The following FER1L6 variants were observed in gnomAD, a reference collection of about 807,000 sequenced individuals.
The protein encoded by FER1L6 is fer-1 like family member 6.
FER1L6 carries 177 observed loss-of-function variants against 219.2 expected under a neutral mutation model. The observed-to-expected ratio is 0.81, with a 90% CI of 0.71 to 0.91. The LOEUF (loss-of-function observed/expected upper bound fraction) is 0.91. Ranked by LOEUF, FER1L6 falls within the 40% of genes least tolerant of loss-of-function variation. The probability of loss-of-function intolerance (pLI) is 0.00; values close to 1 mark genes in which losing one functional copy is unlikely to be tolerated. For missense variants in FER1L6, 2,153 were observed against 2,259.9 expected, an observed-to-expected ratio of 0.95 and a Z score of 0.96; for synonymous variants, 768 against 824.3, an observed-to-expected ratio of 0.93 and a Z score of 1.17.
In FER1L6 at chr8:124,081,795, T is replaced by C. The variant is rs1056911494; in HGVS notation, c.4221-493T>C. Among the ~76,000 whole-genome samples, 5 of 152,156 alleles carry C rather than the reference T, an allele frequency of 3.3e-5. No homozygotes were observed. In the East Asian group the frequency reaches 7.7e-4, roughly 23 times the overall value. ...GGAGGGGAAGGGGAATGGCAATGTA[T>C]TGGGCACCAGTTGAACGCCTGAAAG... On this transcript the variant is annotated intron_variant, in intron 32 of 40. Coordinates refer to ENST00000522917, the MANE Select transcript of FER1L6 (RefSeq NM_001039112.2).
At chr8:124,078,183 AGATG>A (rs60540951) in intron 32 of FER1L6, among the ~76,000 whole-genome samples, 5,246 of 152,072 alleles carry the variant, frequency 0.034, 288 homozygotes, top group African/African-American at 0.12. Context: ...TGGAATGAAC[AGATG>A]GATGGATGGA....
chr8:124,024,792 G>A (rs997965087), intron 18 of FER1L6, among the ~76,000 whole-genome samples: 5 of 152,118 alleles, frequency 3.3e-5, no homozygotes, highest in Non-Finnish European at 7.4e-5. Context: ...ACTGTTTTCC[G>A]TAGAGGTTGT....
intron 34 of FER1L6, among the ~76,000 whole-genome samples, chr8:124,092,748 G>A (rs1359359121): frequency 6.6e-6 from 1 of 152,114 alleles, no homozygotes; most frequent in Non-Finnish European, 1.5e-5. Flanking sequence ...GGCTTCTGGG[G>A]AGGCCTCAGG....
chr8:123,992,613 T>C (rs1161216822), intron 12 of FER1L6, among the ~76,000 whole-genome samples: 2 of 152,200 alleles, frequency 1.3e-5, no homozygotes, highest in African/African-American at 4.8e-5. Flanking sequence ...TCTTGGTTAA[T>C]ATAGATAATG....
At chr8:124,103,520 C>T (rs1397315080) in intron 39 of FER1L6, among the ~76,000 whole-genome samples, 1 of 152,084 alleles carries the variant, frequency 6.6e-6, no homozygotes, top group Non-Finnish European at 1.5e-5. Context: ...ATCCTTTTGG[C>T]CTGAACTTAT....
chr8:123,957,259 A>G (rs1815064023), intron 2 of FER1L6, among the ~76,000 whole-genome samples: 1 of 152,184 alleles, frequency 6.6e-6, no homozygotes, highest in Admixed American at 6.5e-5. Flanking sequence ...GGTATTGATA[A>G]TGATTAAGAG....
At chr8:123,997,703 T>A (rs1007133844) in intron 12 of FER1L6, among the ~76,000 whole-genome samples, 3 of 152,292 alleles carry the variant, frequency 2.0e-5, no homozygotes, top group South Asian at 2.1e-4. Flanking sequence ...TATTCTTTTC[T>A]ATTCTTTTTT....
intron 12 of FER1L6, among the ~76,000 whole-genome samples, chr8:124,002,261 G>T (rs894021246): frequency 2.6e-5 from 4 of 152,204 alleles, no homozygotes; most frequent in African/African-American, 7.2e-5. Context: ...GGGTTTGGGG[G>T]CTCCTTCCTG....
intron 14 of FER1L6, among the ~76,000 whole-genome samples, chr8:124,011,624 T>A (rs1817928094): frequency 6.6e-6 from 1 of 150,890 alleles, no homozygotes. Flanking sequence ...GAACTACAGG[T>A]GCATGCATGC....
intron 1 of FER1L6, among the ~76,000 whole-genome samples, chr8:123,884,683 G>A (rs13252473): frequency 0.24 from 35,800 of 152,024 alleles, 4,554 homozygotes; most frequent in East Asian, 0.48. Flanking sequence ...TATTTGCAAG[G>A]ACACAAGCAG....
chr8:123,889,138 T>G lies in FER1L6; in HGVS notation c.-8+36953T>G, dbSNP rs572547380. Among the ~76,000 whole-genome samples, 35 of 152,272 alleles carry G rather than the reference T, an allele frequency of 2.3e-4. No homozygotes were observed. The South Asian group carries it at 3.7e-3, about 16-fold the overall frequency. ...AAAATAAAATGATCTTTGTGCAAATTTTTTGATAAATAAGACTAATTTAAT... is the reference window on the plus strand; with the variant it reads ...AAAATAAAATGATCTTTGTGCAAATGTTTTGATAAATAAGACTAATTTAAT... On this transcript the variant is annotated intron_variant, in intron 1 of 40. Coordinates refer to ENST00000522917, the MANE Select transcript of FER1L6 (RefSeq NM_001039112.2).
At chr8:123,931,988 C>A (rs1361380455) in intron 1 of FER1L6, among the ~76,000 whole-genome samples, 1 of 152,176 alleles carries the variant, frequency 6.6e-6, no homozygotes, top group Non-Finnish European at 1.5e-5. Context: ...TAAAACTTGC[C>A]AATTCTTTTT....
chr8:124,097,250 GA>G lies in FER1L6; in HGVS notation c.4696-20del, dbSNP rs772728265. 1.3e-6 allele frequency: 2 copies of G among 1,596,080 alleles called. No individual in the cohort carries two copies. The highest frequency in any genetic ancestry group is 2.7e-5 in the African/African-American group (2 of 74,420). On this transcript the variant is annotated intron_variant, in intron 35 of 40. Transcript: ENST00000522917. Reference sequence around the variant, plus strand: ...CTAGCCCCCTCCCAAAGCTAAAGAAGATATTTTTTTTCTTAACAAGGGCCGC... The same window carrying G: ...CTAGCCCCCTCCCAAAGCTAAAGAAGTATTTTTTTTCTTAACAAGGGCCGC...
At chr8:124,028,403 T>C (rs1818803278) in intron 18 of FER1L6, among the ~76,000 whole-genome samples, 2 of 152,100 alleles carry the variant, frequency 1.3e-5, no homozygotes, top group Admixed American at 1.3e-4. Flanking sequence ...TCACCCACCA[T>C]CTCTCTTTAT....
intron 11 of FER1L6, among the ~76,000 whole-genome samples, chr8:123,981,107 C>T (rs573985503): frequency 3.9e-5 from 6 of 152,160 alleles, no homozygotes; most frequent in Admixed American, 3.3e-4. Flanking sequence ...GTGGGTGGTA[C>T]GGGATTGATT....
chr8:124,011,620 C>T (rs1726540463), intron 14 of FER1L6, among the ~76,000 whole-genome samples: 1 of 150,924 alleles, frequency 6.6e-6, no homozygotes, highest in South Asian at 2.1e-4. Context: ...GTCGGAACTA[C>T]AGGTGCATGC....
chr8:124,020,673 G>A (rs757174402), intron 16 of FER1L6, among the ~76,000 whole-genome samples: 1 of 152,180 alleles, frequency 6.6e-6, no homozygotes, highest in South Asian at 2.1e-4. Flanking sequence ...GACTCTGGAT[G>A]CAGCTGGGGG....
At chr8:123,893,743 A>T (rs1385872812) in intron 1 of FER1L6, among the ~76,000 whole-genome samples, 2 of 152,234 alleles carry the variant, frequency 1.3e-5, no homozygotes, top group Non-Finnish European at 2.9e-5. Flanking sequence ...AGGAGAACCT[A>T]CATGGACAAT....
chr8:123,932,077 G>C (rs892560127), intron 1 of FER1L6, among the ~76,000 whole-genome samples: 1 of 152,076 alleles, frequency 6.6e-6, no homozygotes, highest in Non-Finnish European at 1.5e-5. Flanking sequence ...TTATTTAACA[G>C]TGTCTTTCTT....
Sources: gnomAD v4.1 joint callset for allele counts (sites outside exome capture counted in the v4.1 genomes callset) on GRCh38, gnomAD v4.1.1 for gene constraint, MANE v1.5 for transcripts, NCBI Gene and HGNC (gene_info 2026-07-23, HGNC 2026-07-21) for gene names.